Variants in PDE8B observed in about 807,000 individuals in gnomAD.
PDE8B encodes phosphodiesterase 8B.
Under a neutral mutation model 101.3 loss-of-function variants are expected in PDE8B, and 26 were observed. The ratio of observed to expected loss-of-function variants is 0.26; its 90% confidence interval spans 0.19 to 0.36. PDE8B has a LOEUF of 0.36. PDE8B is among the 10% of genes least tolerant of loss of function. The pLI, the probability that PDE8B is intolerant of heterozygous loss-of-function variation, is 1.00. For missense variants in PDE8B, 810 were observed against 1,163.1 expected (o/e 0.70, Z 4.42); for synonymous variants, 424 against 429.3 (o/e 0.99, Z 0.15).
intron 10 of PDE8B, among the ~76,000 whole-genome samples, chr5:77,398,318 C>CTTTTTTTTTTTTTTTTTTTTTTTTAT (rs70988672): frequency 8.6e-6 from 1 of 116,010 alleles, no homozygotes. Context: ...AGCTGTTTTA[C>CTTTTTTTTTTTTTTTTTTTTTTTTAT]TTTTTTTTTT....
At chr5:77,328,358 T>C (rs1776454612) in intron 3 of PDE8B, among the ~76,000 whole-genome samples, 1 of 150,946 alleles carries the variant, frequency 6.6e-6, no homozygotes, top group East Asian at 1.9e-4. Context: ...AAACTAACTA[T>C]ATCCAGGTGG....
At chr5:77,102,809 G>T in the PDE8B span, among the ~76,000 whole-genome samples, 1 of 152,196 alleles carries the variant, frequency 6.6e-6, no homozygotes, top group South Asian at 2.1e-4. Context: ...AGGCTCCTGT[G>T]TTCCCTGCGG....
intron 1 of PDE8B, among the ~76,000 whole-genome samples, chr5:77,224,714 A>T (rs1381503486): frequency 6.6e-6 from 1 of 152,230 alleles, no homozygotes; most frequent in African/African-American, 2.4e-5. Flanking sequence ...TTCAAATAAG[A>T]TCTAGCTATT....
At chr5:77,225,886 C>T (rs1465676578) in intron 1 of PDE8B, among the ~76,000 whole-genome samples, 1 of 102,150 alleles carries the variant, frequency 9.8e-6, no homozygotes, top group South Asian at 2.8e-4. Flanking sequence ...ACACACCCCA[C>T]GCACACATCT....
intron 10 of PDE8B, among the ~76,000 whole-genome samples, chr5:77,391,374 TGCTG>T (rs1789886445): frequency 6.6e-6 from 1 of 152,180 alleles, no homozygotes; most frequent in African/African-American, 2.4e-5. Flanking sequence ...TGACGGCAGA[TGCTG>T]CTGCAGCCAG....
intron 1 of PDE8B, among the ~76,000 whole-genome samples, chr5:77,263,555 T>A (rs1761062798): frequency 6.6e-6 from 1 of 152,142 alleles, no homozygotes; most frequent in Non-Finnish European, 1.5e-5. Flanking sequence ...CCTGTTTCCT[T>A]CCCCTACCCA....
At chr5:77,206,050 A>C (rs374592867), upstream of PDE8B, among the ~76,000 whole-genome samples, 3 of 151,196 alleles carry the variant, frequency 2.0e-5, no homozygotes, top group Admixed American at 6.6e-5. Flanking sequence ...TTAAAAACTA[A>C]AAACACAGAG....
intron 12 of PDE8B, 72 bp downstream of exon 12, chr5:77,404,869 C>A (rs1052065155): frequency 1.0e-6 from 1 of 968,684 alleles, no homozygotes; most frequent in South Asian, 1.3e-5. Context: ...TTAAAAAATT[C>A]ATCAGCGTAT....
chr5:77,265,191 A>G (rs1338211120), intron 1 of PDE8B, among the ~76,000 whole-genome samples: 1 of 152,174 alleles, frequency 6.6e-6, no homozygotes, highest in African/African-American at 2.4e-5. Flanking sequence ...GGGCGATGCT[A>G]TACTGTAAAT....
intron 14 of PDE8B, 100 bp from the exon 15 acceptor site, chr5:77,411,576 G>A: frequency 1.1e-6 from 1 of 942,824 alleles, no homozygotes; most frequent in Non-Finnish European, 1.7e-6. Flanking sequence ...AGATTGGTTG[G>A]GTTATTCAGG....
chr5:77,247,020 T>G (rs981550711), intron 1 of PDE8B, among the ~76,000 whole-genome samples: 1 of 152,248 alleles, frequency 6.6e-6, no homozygotes, highest in Non-Finnish European at 1.5e-5. Flanking sequence ...TATATTTATA[T>G]GCTAATCTTG....
the PDE8B span, among the ~76,000 whole-genome samples, chr5:77,104,058 C>T: frequency 1.1e-4 from 16 of 152,288 alleles, no homozygotes; most frequent in African/African-American, 1.7e-4. Context: ...TGGCTGAGGA[C>T]AGCTAAGTTC....
intron 1 of PDE8B, among the ~76,000 whole-genome samples, chr5:77,273,569 G>A (rs560299364): frequency 6.6e-6 from 1 of 152,262 alleles, no homozygotes; most frequent in South Asian, 2.1e-4. Context: ...AGAGAGGCAG[G>A]GTAGTACACT....
intron 1 of PDE8B, among the ~76,000 whole-genome samples, chr5:77,236,009 G>A (rs181806633): frequency 2.0e-5 from 3 of 152,174 alleles, no homozygotes; most frequent in Middle Eastern, 3.2e-3. Context: ...GCAAAGTCAC[G>A]ATTGACACCC....
the PDE8B span, among the ~76,000 whole-genome samples, chr5:77,157,853 G>C: frequency 3.3e-5 from 5 of 152,124 alleles, no homozygotes; most frequent in Non-Finnish European, 1.5e-5. Flanking sequence ...GTCCTCCCAC[G>C]GGTGCTCTGG....
chr5:77,250,043 A>AAACAACGT (rs1310394982), intron 1 of PDE8B, among the ~76,000 whole-genome samples: 1 of 152,228 alleles, frequency 6.6e-6, no homozygotes, highest in Non-Finnish European at 1.5e-5. Flanking sequence ...TTAAAGAGAA[A>AAACAACGT]AACAACGTAA....
chr5:77,270,680 C>T (rs529484983), intron 1 of PDE8B, among the ~76,000 whole-genome samples: 18 of 152,282 alleles, frequency 1.2e-4, no homozygotes, highest in Admixed American at 9.1e-4. Context: ...GTGATTTTTC[C>T]GGGCTCTTGT....
chr5:77,300,426 C>A (rs1349647654), intron 1 of PDE8B, among the ~76,000 whole-genome samples: 1 of 152,170 alleles, frequency 6.6e-6, no homozygotes, highest in Non-Finnish European at 1.5e-5. Context: ...AACTGTACCC[C>A]TTTCATACTC....
chr5:77,183,595 A>T, the PDE8B span, among the ~76,000 whole-genome samples: 1 of 152,224 alleles, frequency 6.6e-6, no homozygotes, highest in Non-Finnish European at 1.5e-5. Flanking sequence ...CAGATGCTTT[A>T]TACACCTCAG....
Sources: allele counts gnomAD v4.1 joint callset (sites outside exome capture counted in the v4.1 genomes callset), GRCh38; gene constraint gnomAD v4.1.1; transcripts MANE v1.5; gene names NCBI Gene and HGNC (gene_info 2026-07-23, HGNC 2026-07-21).